IL1RL2: variants seen among roughly 807,000 people sequenced by gnomAD.
IL1RL2 encodes interleukin 1 receptor like 2.
IL1RL2 carries 68 observed loss-of-function variants against 66.8 expected under a neutral mutation model. The observed-to-expected ratio is 1.02, with a 90% CI of 0.84 to 1.25. The LOEUF is 1.25. IL1RL2 is among the 50% of genes most tolerant of loss of function. The pLI is 0.00. For missense variants in IL1RL2, 729 were observed against 709.3 expected (o/e 1.03, Z -0.32); for synonymous variants, 305 against 264.6 (o/e 1.15, Z -1.48).
chr2:102,223,817 C>T (rs1001510043), intron 8 of IL1RL2, among the ~76,000 whole-genome samples: 5 of 152,036 alleles, frequency 3.3e-5, no homozygotes, highest in African/African-American at 1.2e-4. Flanking sequence ...GCAATGTTAC[C>T]CCTAGAAAGA....
intron 3 of IL1RL2, among the ~76,000 whole-genome samples, chr2:102,191,542 C>T (rs1039538066): frequency 1.3e-5 from 2 of 152,148 alleles, no homozygotes; most frequent in Non-Finnish European, 2.9e-5. Context: ...TTTTTAAGAA[C>T]TGTAAGCAAT....
intron 5 of IL1RL2, among the ~76,000 whole-genome samples, chr2:102,208,617 T>G (rs1323184994): frequency 6.6e-6 from 1 of 152,248 alleles, no homozygotes; most frequent in Non-Finnish European, 1.5e-5. Context: ...TAGGGGAGAC[T>G]GAGCTATTTC....
intron 5 of IL1RL2, among the ~76,000 whole-genome samples, chr2:102,206,355 T>G (rs1379645691): frequency 6.6e-6 from 1 of 152,164 alleles, no homozygotes; most frequent in Non-Finnish European, 1.5e-5. Flanking sequence ...ATTGTAGTCT[T>G]CACTCTCTGG....
intron 9 of IL1RL2, 122 bp from the exon 10 acceptor site, chr2:102,232,841 G>A (rs1691253537): frequency 2.8e-6 from 3 of 1,061,612 alleles, no homozygotes; most frequent in Non-Finnish European, 2.7e-6. Flanking sequence ...CAGCCAACTG[G>A]GCACTCAGAA....
In IL1RL2 at chr2:102,233,100, G is replaced by A. The variant is rs1182135734; in HGVS notation, c.1273G>A (p.Gly425Ser). The A allele has an allele frequency of 3.7e-6, 6 of 1,612,876 alleles. 1 individual carries two copies. The highest frequency in any genetic ancestry group is 4.2e-6 in the Non-Finnish European group (5 of 1,179,144). ...ATGTGGATATAAGTTGTTTATATTC[G>A]GCAGAGATGAATTCCCTGGACAAGG... ...RQCGYKLFIF[G>S]RDEFPGQAVA... Residue 425 changes from glycine to serine, a missense_variant, in exon 10 of 12, where the codon GGC becomes AGC. Coordinates refer to ENST00000264257, the MANE Select transcript of IL1RL2 (RefSeq NM_003854.4).
chr2:102,232,181 G>A (rs1366163531), intron 9 of IL1RL2, among the ~76,000 whole-genome samples: 2 of 149,602 alleles, frequency 1.3e-5, no homozygotes, highest in East Asian at 2.0e-4. Flanking sequence ...GTGTGATCTC[G>A]GCTCACTGAA....
chr2:102,235,675 C>A (rs1190122797), intron 11 of IL1RL2: 1 of 985,224 alleles, frequency 1.0e-6, no homozygotes, highest in African/African-American at 1.7e-5. Context: ...GTCGGGGGAC[C>A]ACAGGAGGGC....
At chr2:102,200,265 C>A (rs1688145449) in intron 4 of IL1RL2, among the ~76,000 whole-genome samples, 1 of 152,060 alleles carries the variant, frequency 6.6e-6, no homozygotes, top group Non-Finnish European at 1.5e-5. Flanking sequence ...AGTTGGTTTC[C>A]CATATCAGGT....
intron 5 of IL1RL2, among the ~76,000 whole-genome samples, chr2:102,202,975 C>A (rs564257012): frequency 1.3e-5 from 2 of 152,248 alleles, no homozygotes; most frequent in Admixed American, 1.3e-4. Context: ...AGAGGAAAGG[C>A]TTTCGGTTTT....
intron 5 of IL1RL2, among the ~76,000 whole-genome samples, chr2:102,210,941 G>A (rs1689118081): frequency 6.6e-6 from 1 of 152,142 alleles, no homozygotes; most frequent in South Asian, 2.1e-4. Context: ...ATGGAAAATA[G>A]AAGGCTTAGA....
intron 9 of IL1RL2, among the ~76,000 whole-genome samples, chr2:102,227,729 A>G (rs530443741): frequency 1.3e-5 from 2 of 152,194 alleles, no homozygotes; most frequent in African/African-American, 4.8e-5. Flanking sequence ...GTTGCTTTCT[A>G]CTTTTTGACT....
At chr2:102,209,814 T>G (rs1689004492) in intron 5 of IL1RL2, among the ~76,000 whole-genome samples, 1 of 152,052 alleles carries the variant, frequency 6.6e-6, no homozygotes. Context: ...AAAAGAGTGC[T>G]GATAGTCTCA....
At chr2:102,231,810 A>G (rs1174207649) in intron 9 of IL1RL2, among the ~76,000 whole-genome samples, 2 of 152,184 alleles carry the variant, frequency 1.3e-5, no homozygotes, top group Non-Finnish European at 2.9e-5. Context: ...ACTGCAGATT[A>G]CTAGAGTCTG....
At chr2:102,210,187 AC>A (rs1689044481) in intron 5 of IL1RL2, among the ~76,000 whole-genome samples, 1 of 151,992 alleles carries the variant, frequency 6.6e-6, no homozygotes, top group Non-Finnish European at 1.5e-5. Flanking sequence ...TTTTTTCCAG[AC>A]TGAGGAAGTA....
intron 11 of IL1RL2, among the ~76,000 whole-genome samples, chr2:102,238,351 C>T (rs1020894525): frequency 1.3e-4 from 20 of 152,196 alleles, no homozygotes; most frequent in Admixed American, 8.5e-4. Context: ...ATAAAGGGAC[C>T]GGGAAGGTGT....
At chr2:102,191,112 A>G (rs11688596) in intron 3 of IL1RL2, among the ~76,000 whole-genome samples, 40,934 of 152,076 alleles carry the variant, frequency 0.27, 6,396 homozygotes, top group East Asian at 0.39. Context: ...CACAATATAT[A>G]TGATATAAAT....
chr2:102,225,772 T>C (rs553473191), intron 8 of IL1RL2, 126 bp from the exon 9 acceptor site: 92 of 615,408 alleles, frequency 1.5e-4, no homozygotes, highest in Non-Finnish European at 2.0e-4. Context: ...AGCAGTGCCC[T>C]CATTGACATC....
At chr2:102,231,479 C>T (rs1691122602) in intron 9 of IL1RL2, among the ~76,000 whole-genome samples, 2 of 151,658 alleles carry the variant, frequency 1.3e-5, no homozygotes, top group South Asian at 2.1e-4. Context: ...GCTTGAGAGA[C>T]ATGAGTGAGA....
At chr2:102,187,786 C>T in intron 1 of IL1RL2, 70 bp from the exon 2 acceptor site, 1 of 1,317,632 alleles carries the variant, frequency 7.6e-7, no homozygotes, top group Non-Finnish European at 1.1e-6. Flanking sequence ...ATTCCGAGGT[C>T]GCCCACGCCG....
Sources: allele counts gnomAD v4.1 joint callset (sites outside exome capture counted in the v4.1 genomes callset), GRCh38; gene constraint gnomAD v4.1.1; transcripts MANE v1.5; gene names NCBI Gene and HGNC (gene_info 2026-07-23, HGNC 2026-07-21).